Variants in SLC24A2 observed in about 807,000 individuals in gnomAD.
SLC24A2 encodes solute carrier family 24 member 2.
Under a neutral mutation model 62.0 loss-of-function variants are expected in SLC24A2, and 36 were observed. The ratio of observed to expected loss-of-function variants is 0.58; its 90% CI spans 0.44 to 0.77. The LOEUF (loss-of-function observed/expected upper bound fraction) is 0.77. Among genes scored for constraint, SLC24A2 ranks in the 30% least tolerant of loss-of-function variants. The pLI is 0.00. For synonymous variants in SLC24A2, 358 were observed against 294.0 expected (o/e 1.22, Z -2.23); for missense variants, 846 against 817.9 (o/e 1.03, Z -0.42).
At chr9:20,046,279 G>T in the SLC24A2 span, among the ~76,000 whole-genome samples, 1 of 152,158 alleles carries the variant, frequency 6.6e-6, no homozygotes, top group Non-Finnish European at 1.5e-5. Flanking sequence ...CTGTCTAATT[G>T]CTTCTGAAGT....
chr9:20,288,992 C>T, the SLC24A2 span, among the ~76,000 whole-genome samples: 5 of 151,990 alleles, frequency 3.3e-5, no homozygotes, highest in African/African-American at 1.2e-4. Context: ...TCAGAGCCTT[C>T]AGATAATTCC....
chr9:20,230,283 G>C, the SLC24A2 span, among the ~76,000 whole-genome samples: 2 of 151,694 alleles, frequency 1.3e-5, no homozygotes, highest in African/African-American at 2.4e-5. Context: ...GGTATTTCTA[G>C]TTCTAGATCC....
the SLC24A2 span, among the ~76,000 whole-genome samples, chr9:20,170,267 C>T: frequency 6.9e-6 from 1 of 145,032 alleles, no homozygotes; most frequent in Non-Finnish European, 1.5e-5. Context: ...CAAAGTGAAA[C>T]CAGCACTCAG....
the SLC24A2 span, among the ~76,000 whole-genome samples, chr9:20,222,783 T>TA: frequency 6.6e-5 from 10 of 152,076 alleles, no homozygotes; most frequent in South Asian, 4.1e-4. Flanking sequence ...TCAAGATTTT[T>TA]AAAAAATCGC....
chr9:19,722,669 A>G (rs910985015), intron 2 of SLC24A2, among the ~76,000 whole-genome samples: 1 of 144,166 alleles, frequency 6.9e-6, no homozygotes, highest in Non-Finnish European at 1.5e-5. Flanking sequence ...AAAAAAAAAA[A>G]CCACGATATT....
chr9:19,864,856 A>G, the SLC24A2 span, among the ~76,000 whole-genome samples: 1 of 152,136 alleles, frequency 6.6e-6, no homozygotes, highest in South Asian at 2.1e-4. Flanking sequence ...GATAAGAGAA[A>G]GATATAAAGG....
the SLC24A2 span, among the ~76,000 whole-genome samples, chr9:20,220,417 T>C: frequency 1.3e-5 from 2 of 152,178 alleles, no homozygotes; most frequent in East Asian, 3.9e-4. Flanking sequence ...TATTCTCACA[T>C]ATTCAATCAG....
the SLC24A2 span, among the ~76,000 whole-genome samples, chr9:19,808,845 C>T: frequency 6.6e-6 from 1 of 152,186 alleles, no homozygotes; most frequent in Non-Finnish European, 1.5e-5. This position sits in a 1 kb window ranked among gnomAD's most constrained non-coding sequence, Gnocchi z 4.1. Flanking sequence ...GATCATGAGC[C>T]ATGTGATGTG....
chr9:19,738,517 A>C (rs1426341150), intron 2 of SLC24A2, among the ~76,000 whole-genome samples: 1 of 152,216 alleles, frequency 6.6e-6, no homozygotes, highest in Non-Finnish European at 1.5e-5. Flanking sequence ...AAAAAAGAAA[A>C]AGAAATGAAA....
chr9:19,663,540 G>A (rs188266992), intron 2 of SLC24A2, among the ~76,000 whole-genome samples: 1 of 152,110 alleles, frequency 6.6e-6, no homozygotes, highest in Admixed American at 6.5e-5. Context: ...GGCTCCTGGG[G>A]ACCTGGGAAT....
chr9:20,085,295 G>A, the SLC24A2 span, among the ~76,000 whole-genome samples: 1 of 152,110 alleles, frequency 6.6e-6, no homozygotes. Flanking sequence ...CACTGCAGCT[G>A]GCCCCAAGGT....
chr9:20,069,822 ATTAT>A, the SLC24A2 span, among the ~76,000 whole-genome samples: 1 of 152,182 alleles, frequency 6.6e-6, no homozygotes, highest in Non-Finnish European at 1.5e-5. Flanking sequence ...CTTATAAATG[ATTAT>A]TTACTTATCT....
At chr9:19,828,015 G>T in the SLC24A2 span, among the ~76,000 whole-genome samples, 1 of 152,034 alleles carries the variant, frequency 6.6e-6, no homozygotes, top group African/African-American at 2.4e-5. Context: ...AAGCAGCGAG[G>T]GATTAATTTT....
the SLC24A2 span, among the ~76,000 whole-genome samples, chr9:20,137,213 A>T: frequency 0.043 from 6,523 of 152,284 alleles, 455 homozygotes; most frequent in African/African-American, 0.15. Context: ...GTCTATAATA[A>T]GAGGCACCTA....
intron 9 of SLC24A2, among the ~76,000 whole-genome samples, chr9:19,525,103 GTA>G (rs1443352969): frequency 1.8e-4 from 27 of 152,274 alleles, no homozygotes; most frequent in Non-Finnish European, 5.9e-5. Flanking sequence ...CTCAATGAGT[GTA>G]TAAAATAATG....
At chr9:19,642,509 G>A (rs921604528) in intron 2 of SLC24A2, among the ~76,000 whole-genome samples, 7 of 152,156 alleles carry the variant, frequency 4.6e-5, no homozygotes, top group African/African-American at 1.2e-4. Context: ...CAAGCTAAGC[G>A]TATACTGTAC....
intron 9 of SLC24A2, 77 bp from the exon 10 acceptor site, chr9:19,521,137 A>G: frequency 7.5e-7 from 1 of 1,333,672 alleles, no homozygotes; most frequent in Non-Finnish European, 1.1e-6. Context: ...TTTCAATGCG[A>G]CCTCCTTTTA....
the SLC24A2 span, among the ~76,000 whole-genome samples, chr9:19,953,514 T>A: frequency 6.6e-6 from 1 of 151,998 alleles, no homozygotes; most frequent in Non-Finnish European, 1.5e-5. Context: ...TTTCATGACA[T>A]AGGGCAGATA....
intron 2 of SLC24A2, among the ~76,000 whole-genome samples, chr9:19,661,443 T>C (rs1049230568): frequency 6.6e-6 from 1 of 152,120 alleles, no homozygotes; most frequent in African/African-American, 2.4e-5. Context: ...TTTGGATGGT[T>C]AAAGAAATGT....
Sources: allele counts gnomAD v4.1 joint callset (sites outside exome capture counted in the v4.1 genomes callset), GRCh38; gene constraint gnomAD v4.1.1; non-coding constraint Gnocchi (gnomAD v3.1); transcripts MANE v1.5; gene names NCBI Gene and HGNC (gene_info 2026-07-23, HGNC 2026-07-21).